RBMS3: variants seen among roughly 807,000 people sequenced by gnomAD.
The protein encoded by RBMS3 is RNA-binding motif, single-stranded-interacting protein 3.
Under a neutral mutation model 66.8 loss-of-function variants are expected in RBMS3, and 27 were observed. That is an observed-to-expected ratio of 0.40 (90% confidence interval 0.30 to 0.56). The LOEUF is 0.56. RBMS3 is among the 20% of genes least tolerant of loss of function. The pLI, the probability that RBMS3 is intolerant of heterozygous loss-of-function variation, is 0.40. For synonymous variants in RBMS3, 188 were observed against 183.0 expected (o/e 1.03, Z -0.22); for missense variants, 513 against 549.5 (o/e 0.93, Z 0.66).
chr3:29,574,093 A>G (rs2047029363), intron 3 of RBMS3, among the ~76,000 whole-genome samples: 1 of 152,158 alleles, frequency 6.6e-6, no homozygotes, highest in Non-Finnish European at 1.5e-5. Flanking sequence ...TATACTGCAG[A>G]TTAACTCTGA....
intron 6 of RBMS3, among the ~76,000 whole-genome samples, chr3:29,811,103 G>C (rs1297404331): frequency 3.9e-5 from 6 of 152,090 alleles, no homozygotes; most frequent in Non-Finnish European, 1.5e-5. Flanking sequence ...ACTGGTGTTG[G>C]GGTAAAAAAG....
chr3:29,476,650 C>T (rs1465044419), intron 2 of RBMS3, among the ~76,000 whole-genome samples: 1 of 152,000 alleles, frequency 6.6e-6, no homozygotes, highest in Non-Finnish European at 1.5e-5. Context: ...CACTTGGGTA[C>T]TTCGTCTTAT....
At chr3:29,406,541 C>T (rs1382738840) in intron 1 of RBMS3, among the ~76,000 whole-genome samples, 2 of 152,128 alleles carry the variant, frequency 1.3e-5, no homozygotes, top group Non-Finnish European at 2.9e-5. Flanking sequence ...AATAATCAAG[C>T]CAAACAGTTT....
intron 4 of RBMS3, among the ~76,000 whole-genome samples, chr3:29,709,676 T>G (rs953007626): frequency 6.6e-6 from 1 of 152,192 alleles, no homozygotes; most frequent in Non-Finnish European, 1.5e-5. Context: ...CAATGATTTA[T>G]CCAGAATCTC....
rs144513566 is a variant in RBMS3, at chr3:29,497,123, C to T, written c.307+8624C>T. Reference sequence around the variant, plus strand: ...CTCCCGGGTTCAAGTGATTCTCCTGCCTTAGCCTCTCAGGTAGCTGGGACT... The same window carrying T: ...CTCCCGGGTTCAAGTGATTCTCCTGTCTTAGCCTCTCAGGTAGCTGGGACT... On this transcript the variant is annotated intron_variant, in intron 3 of 14. Transcript: ENST00000383767. 1.3e-3 allele frequency among the ~76,000 whole-genome samples: 197 copies of T among 152,148 alleles called. 1 individual carries two copies. The East Asian group carries it at 0.031, about 24-fold the overall frequency.
intron 1 of RBMS3, among the ~76,000 whole-genome samples, chr3:29,388,273 A>G (rs2039106894): frequency 6.6e-6 from 1 of 152,230 alleles, no homozygotes; most frequent in Non-Finnish European, 1.5e-5. Context: ...GACTCTCTGT[A>G]ATAGAATGTC....
chr3:29,506,967 T>A (rs2044204657), intron 3 of RBMS3, among the ~76,000 whole-genome samples: 1 of 151,800 alleles, frequency 6.6e-6, no homozygotes, highest in African/African-American at 2.4e-5. Flanking sequence ...TTCTTTCTTT[T>A]TGTTCTTTGT....
chr3:29,857,431 A>C (rs2059107745), intron 6 of RBMS3, among the ~76,000 whole-genome samples: 1 of 138,208 alleles, frequency 7.2e-6, no homozygotes, highest in South Asian at 2.2e-4. Flanking sequence ...CATGAGTTTC[A>C]CTTGAAATCA....
At chr3:29,967,023 C>A (rs1696895731) in intron 12 of RBMS3, among the ~76,000 whole-genome samples, 1 of 152,320 alleles carries the variant, frequency 6.6e-6, no homozygotes, top group South Asian at 2.1e-4. Flanking sequence ...ACCATCCCTG[C>A]ATCTCTGGTA....
At chr3:29,661,320 G>A (rs561754554) in intron 4 of RBMS3, among the ~76,000 whole-genome samples, 13 of 152,220 alleles carry the variant, frequency 8.5e-5, no homozygotes, top group African/African-American at 2.9e-4. Context: ...GTTGTGTATA[G>A]AATCTCTTTG....
intron 1 of RBMS3, among the ~76,000 whole-genome samples, chr3:29,324,852 T>C (rs1053209652): frequency 3.3e-5 from 5 of 152,120 alleles, no homozygotes; most frequent in African/African-American, 1.2e-4. Context: ...TCCTCTCCTC[T>C]TCCTTTACTC....
chr3:29,515,686 C>T (rs1312601969), intron 3 of RBMS3, among the ~76,000 whole-genome samples: 3 of 152,194 alleles, frequency 2.0e-5, no homozygotes, highest in Admixed American at 1.3e-4. Context: ...GTGACTCCAT[C>T]TAGACACTCA....
At chr3:29,488,905 T>C (rs2043422990) in intron 3 of RBMS3, among the ~76,000 whole-genome samples, 1 of 152,206 alleles carries the variant, frequency 6.6e-6, no homozygotes, top group African/African-American at 2.4e-5. Flanking sequence ...ATTGGTTGAC[T>C]ATGAATAAAT....
At chr3:29,733,706 A>G (rs2054237617) in intron 4 of RBMS3, among the ~76,000 whole-genome samples, 1 of 152,114 alleles carries the variant, frequency 6.6e-6, no homozygotes, top group African/African-American at 2.4e-5. Flanking sequence ...CCCATTCTGC[A>G]GGTTGTCTCC....
chr3:29,829,552 C>T (rs1043883637), intron 6 of RBMS3, among the ~76,000 whole-genome samples: 10 of 152,220 alleles, frequency 6.6e-5, no homozygotes, highest in African/African-American at 2.4e-4. Flanking sequence ...ATCTTCAATA[C>T]GTAGTGGAAT....
intron 6 of RBMS3, among the ~76,000 whole-genome samples, chr3:29,856,771 C>T (rs958875115): frequency 1.3e-5 from 2 of 152,134 alleles, no homozygotes; most frequent in African/African-American, 4.8e-5. Flanking sequence ...TTACACTAAA[C>T]ATCTTCATAG....
At chr3:29,762,638 A>T (rs926094756) in intron 5 of RBMS3, among the ~76,000 whole-genome samples, 7 of 152,112 alleles carry the variant, frequency 4.6e-5, no homozygotes, top group African/African-American at 7.2e-5. Flanking sequence ...TGCTGGGTGA[A>T]TTAAGATAAT....
intron 4 of RBMS3, among the ~76,000 whole-genome samples, chr3:29,600,318 G>A (rs984254244): frequency 2.0e-5 from 3 of 151,878 alleles, no homozygotes; most frequent in African/African-American, 7.3e-5. Flanking sequence ...CTCATGAATG[G>A]CTTGGTGCTC....
intron 4 of RBMS3, among the ~76,000 whole-genome samples, chr3:29,694,058 G>T (rs1420236070): frequency 6.6e-6 from 1 of 152,016 alleles, no homozygotes; most frequent in Non-Finnish European, 1.5e-5. Flanking sequence ...GTGAACACTT[G>T]GATTTGCTTC....
Sources: allele counts gnomAD v4.1 joint callset (sites outside exome capture counted in the v4.1 genomes callset), GRCh38; gene constraint gnomAD v4.1.1; transcripts MANE v1.5; gene names NCBI Gene and HGNC (gene_info 2026-07-23, HGNC 2026-07-21).